Variants in CNOT6L observed in about 807,000 individuals in gnomAD.
CNOT6L encodes the protein CCR4-NOT transcription complex subunit 6 like.
A neutral mutation model predicts 64.0 loss-of-function variants in CNOT6L; 7 were observed. The observed-to-expected ratio is 0.11, with a 90% confidence interval of 0.06 to 0.21. The LOEUF is 0.21. Ranked by LOEUF, CNOT6L falls within the 10% of genes least tolerant of loss-of-function variation. CNOT6L has a pLI of 1.00. For synonymous variants in CNOT6L, 193 were observed against 243.4 expected (o/e 0.79, Z 1.93); for missense variants, 245 against 669.0 (o/e 0.37, Z 6.99).
intron 1 of CNOT6L, among the ~76,000 whole-genome samples, chr4:77,803,818 G>A (rs1034666935): frequency 7.2e-5 from 11 of 151,936 alleles, no homozygotes; most frequent in Non-Finnish European, 1.2e-4. Flanking sequence ...CAGGAGAATC[G>A]CTTGAACCCG....
At chr4:77,732,613 G>C (rs183177663) in intron 8 of CNOT6L, among the ~76,000 whole-genome samples, 3 of 152,068 alleles carry the variant, frequency 2.0e-5, no homozygotes, top group East Asian at 1.9e-4. Flanking sequence ...AAGTGTAAAG[G>C]GTCAGTTTAT....
intron 7 of CNOT6L, among the ~76,000 whole-genome samples, chr4:77,743,794 GT>G (rs1723879876): frequency 6.6e-6 from 1 of 151,546 alleles, no homozygotes; most frequent in Non-Finnish European, 1.5e-5. Context: ...TAGATATGGG[GT>G]TTCACCACGC....
intron 1 of CNOT6L, among the ~76,000 whole-genome samples, chr4:77,793,890 C>T (rs899213134): frequency 1.3e-5 from 2 of 151,930 alleles, no homozygotes; most frequent in Non-Finnish European, 2.9e-5. Flanking sequence ...GTGGCTAACA[C>T]CTGTAATCCC....
At chr4:77,797,690 A>T (rs959358819) in intron 1 of CNOT6L, among the ~76,000 whole-genome samples, 1 of 152,198 alleles carries the variant, frequency 6.6e-6, no homozygotes. Flanking sequence ...AAAATCGTAT[A>T]GTGAGGTTGC....
chr4:77,783,254 T>C (rs1304996858), intron 1 of CNOT6L, among the ~76,000 whole-genome samples: 3 of 151,954 alleles, frequency 2.0e-5, no homozygotes, highest in Admixed American at 6.6e-5. Context: ...TTCTGACCAG[T>C]TTAACATTTA....
intron 4 of CNOT6L, among the ~76,000 whole-genome samples, chr4:77,769,289 AAGAAAACGC>A (rs1224384563): frequency 6.6e-6 from 1 of 152,182 alleles, no homozygotes; most frequent in Non-Finnish European, 1.5e-5. Flanking sequence ...ATAATCGTGA[AAGAAAACGC>A]AGGAAACATA....
At chr4:77,746,203 T>C (rs913691384) in intron 6 of CNOT6L, among the ~76,000 whole-genome samples, 3 of 152,192 alleles carry the variant, frequency 2.0e-5, no homozygotes, top group East Asian at 1.9e-4. Context: ...AGATCAGAGA[T>C]TGCAATTTTT....
chr4:77,766,200 GT>G (rs1158957646), intron 4 of CNOT6L, among the ~76,000 whole-genome samples: 1 of 152,186 alleles, frequency 6.6e-6, no homozygotes, highest in East Asian at 1.9e-4. Flanking sequence ...GGAAAAAAAA[GT>G]GTGTGTATGT....
intron 1 of CNOT6L, among the ~76,000 whole-genome samples, chr4:77,782,901 CATATAGTAAGATCATATTGACAA>C (rs1729025151): frequency 6.6e-6 from 1 of 152,002 alleles, no homozygotes; most frequent in Admixed American, 6.6e-5. Flanking sequence ...AACTATACTG[CATATAGTAAGATCATATTGACAA>C]AATTAAAGAT....
At chr4:77,731,740 T>C (rs759319140) in intron 8 of CNOT6L, 63 of 459,786 alleles carry the variant, frequency 1.4e-4, no homozygotes, top group Admixed American at 5.4e-4. Context: ...AGACAGCATA[T>C]ATATCCCTTC....
In CNOT6L at chr4:77,715,997, T is replaced by C. The variant is rs1245805895; in HGVS notation, c.*4434A>G. ...TCATCTGCCTACAAATTTAAAACTT[T>C]AGTTCAAGCTTCTGGCTTCCCTAGT... is the stretch of plus-strand genomic sequence containing the variant. On this transcript the variant is annotated 3_prime_UTR_variant, in exon 12 of 12. Coordinates refer to ENST00000504123, the MANE Select transcript of CNOT6L (RefSeq NM_144571.3). 2 of 152,684 alleles carry C rather than the reference T, an allele frequency of 1.3e-5. No homozygotes were observed. The highest frequency in any genetic ancestry group is 3.9e-4 in the East Asian group (2 of 5,186). 9.5% of individuals were successfully genotyped at this position (152,684 alleles called of 1,614,324 possible).
intron 4 of CNOT6L, among the ~76,000 whole-genome samples, chr4:77,759,336 C>A (rs1002478053): frequency 2.0e-5 from 3 of 151,704 alleles, no homozygotes; most frequent in African/African-American, 7.2e-5. Context: ...GAGGCCGAGG[C>A]GGGTGGATCA....
At chr4:77,764,344 T>C (rs1326503166) in intron 4 of CNOT6L, among the ~76,000 whole-genome samples, 2 of 152,108 alleles carry the variant, frequency 1.3e-5, no homozygotes, top group Non-Finnish European at 2.9e-5. Context: ...GATAATAAAA[T>C]TAGATAAAAC....
chr4:77,785,463 T>C (rs1351617516), intron 1 of CNOT6L, among the ~76,000 whole-genome samples: 1 of 151,974 alleles, frequency 6.6e-6, no homozygotes, highest in Non-Finnish European at 1.5e-5. Context: ...CTCTTTGAAA[T>C]TTGAAGGAAA....
chr4:77,750,590 T>C (rs956703681), intron 5 of CNOT6L, among the ~76,000 whole-genome samples: 9 of 152,088 alleles, frequency 5.9e-5, no homozygotes, highest in Non-Finnish European at 1.3e-4. Context: ...CCTGATCTTG[T>C]GATCCGCCTG....
At chr4:77,818,694 G>T (rs537212903) in intron 1 of CNOT6L, among the ~76,000 whole-genome samples, 5 of 152,090 alleles carry the variant, frequency 3.3e-5, no homozygotes, top group Non-Finnish European at 7.4e-5. Context: ...CCACGGCGAC[G>T]GCAATCGGCG....
intron 4 of CNOT6L, among the ~76,000 whole-genome samples, chr4:77,766,882 G>A (rs902588972): frequency 1.3e-5 from 2 of 151,624 alleles, no homozygotes; most frequent in African/African-American, 4.8e-5. Context: ...TGGCTAAATG[G>A]TGAAACCCTG....
intron 10 of CNOT6L, among the ~76,000 whole-genome samples, chr4:77,727,855 T>G (rs1041552729): frequency 1.3e-5 from 2 of 152,228 alleles, no homozygotes; most frequent in African/African-American, 2.4e-5. Flanking sequence ...AAACAATGAT[T>G]TCAGCATTAT....
chr4:77,787,927 T>C (rs1729635886), intron 1 of CNOT6L, among the ~76,000 whole-genome samples: 1 of 152,226 alleles, frequency 6.6e-6, no homozygotes, highest in Non-Finnish European at 1.5e-5. Context: ...CCAATTCCAC[T>C]ACATTGATCT....
Sources: gnomAD v4.1 joint callset for allele counts (sites outside exome capture counted in the v4.1 genomes callset) on GRCh38, gnomAD v4.1.1 for gene constraint, MANE v1.5 for transcripts, NCBI Gene and HGNC (gene_info 2026-07-23, HGNC 2026-07-21) for gene names.